Variants in PDS5B observed in about 807,000 individuals in gnomAD.
PDS5B encodes PDS5 cohesin associated factor B.
In PDS5B, 51 loss-of-function variants were observed where a neutral mutation model predicts 184.1. The ratio of observed to expected loss-of-function variants is 0.28; its 90% CI spans 0.22 to 0.35. The LOEUF is 0.35. PDS5B is among the 10% of genes least tolerant of loss of function. The pLI is 1.00. For missense variants in PDS5B, 1,180 were observed against 1,723.3 expected, an observed-to-expected ratio of 0.68 and a Z score of 5.58; for synonymous variants, 566 against 569.2, an observed-to-expected ratio of 0.99 and a Z score of 0.08.
intron 1 of PDS5B, among the ~76,000 whole-genome samples, chr13:32,597,608 C>T (rs1186990159): frequency 6.7e-6 from 1 of 149,424 alleles, no homozygotes; most frequent in Non-Finnish European, 1.5e-5. Context: ...GAGGGGGGGG[C>T]GGCAGGGGGT....
rs1209227778 is a variant in PDS5B, at chr13:32,675,973, G to T, written c.962+14G>T. 6.5e-7 allele frequency: 1 copy of T among 1,532,948 alleles called. No homozygotes were observed. Among genetic ancestry groups the T allele is most frequent in the Admixed American group, 1.7e-5 (1 of 59,674 alleles). 95.0% of individuals were successfully genotyped at this position (1,532,948 alleles called of 1,614,324 possible). ...CTACTTGGGCAGGTATATGATTTTG[G>T]TTTCCCATTTAAAAGTAATACATTA... On this transcript the variant is annotated intron_variant, in intron 9 of 34. Coordinates refer to ENST00000315596, the MANE Select transcript of PDS5B (RefSeq NM_015032.4).
At chr13:32,644,308 T>C (rs1950168137) in intron 1 of PDS5B, among the ~76,000 whole-genome samples, 1 of 152,180 alleles carries the variant, frequency 6.6e-6, no homozygotes, top group African/African-American at 2.4e-5. Context: ...AAATGCACTT[T>C]TGGCTTAACT....
rs536734161 is a variant in PDS5B, at chr13:32,697,804, G to A, written c.1600+902G>A. 5.3e-5 allele frequency among the ~76,000 whole-genome samples: 8 copies of A among 152,180 alleles called. No homozygotes were observed. The South Asian group carries it at 1.7e-3, about 32-fold the overall frequency. ...TAACTCAAAGCTATCTTGACCTCCT[G>A]GGCTCAAGCCATCCTCCTACCTCAG... On this transcript the variant is annotated intron_variant, in intron 15 of 34. Transcript: ENST00000315596.
At chr13:32,699,323 C>G (rs1037658735) in intron 15 of PDS5B, among the ~76,000 whole-genome samples, 1 of 152,048 alleles carries the variant, frequency 6.6e-6, no homozygotes, top group Non-Finnish European at 1.5e-5. Flanking sequence ...TAATGATAAA[C>G]AGGGAAATAC....
intron 10 of PDS5B, among the ~76,000 whole-genome samples, chr13:32,679,884 A>T (rs867100106): frequency 1.3e-4 from 19 of 143,716 alleles, no homozygotes; most frequent in South Asian, 2.3e-4. Context: ...TTCGTCTGTG[A>T]GTGTGTGTGT....
At position 32,696,955 on chromosome 13, in the gene PDS5B, T is replaced by C. The variant is rs575685417; in HGVS notation, c.1600+53T>C. 208 of 1,121,048 alleles carry C rather than the reference T, an allele frequency of 1.9e-4. No homozygotes were observed. The Admixed American group carries it at 4.4e-3, about 24-fold the overall frequency. 69.4% of individuals were successfully genotyped at this position (1,121,048 alleles called of 1,614,324 possible). A position where few individuals can be genotyped will look rare whatever the true frequency, so the allele number is the denominator to read the frequency against. Reference sequence around the variant, plus strand: ...ATGTAATTTTTATTGGAACATTTTTTATAATTTTAAGTGTTTCATGCAGTT... The same window carrying C: ...ATGTAATTTTTATTGGAACATTTTTCATAATTTTAAGTGTTTCATGCAGTT... On this transcript the variant is annotated intron_variant, in intron 15 of 34. Transcript: ENST00000315596.
At chr13:32,628,125 T>C (rs952124652) in intron 1 of PDS5B, among the ~76,000 whole-genome samples, 10 of 152,220 alleles carry the variant, frequency 6.6e-5, no homozygotes, top group Non-Finnish European at 2.9e-5. Flanking sequence ...ATTAGTTTTC[T>C]TTCTTTAAGG....
At chr13:32,716,462 C>G (rs1044510721) in intron 19 of PDS5B, among the ~76,000 whole-genome samples, 1 of 151,140 alleles carries the variant, frequency 6.6e-6, no homozygotes. Flanking sequence ...CCCCTCCGCC[C>G]GGCAGCCGCC....
chr13:32,737,971 A>C (rs1045975582), intron 21 of PDS5B, among the ~76,000 whole-genome samples: 1 of 152,164 alleles, frequency 6.6e-6, no homozygotes, highest in African/African-American at 2.4e-5. Context: ...TAAGCATTAT[A>C]TCATACCCTG....
At chr13:32,652,288 T>A (rs117802543) in intron 3 of PDS5B, 6,007 of 276,310 alleles carry the variant, frequency 0.022, 100 homozygotes, top group Non-Finnish European at 0.033. Context: ...CAATTCCTTT[T>A]CACTTTTGAA....
intron 1 of PDS5B, among the ~76,000 whole-genome samples, chr13:32,609,654 C>G (rs966762094): frequency 6.6e-6 from 1 of 152,142 alleles, no homozygotes; most frequent in African/African-American, 2.4e-5. Flanking sequence ...TCCTACATTC[C>G]AGACATACTT....
At chr13:32,589,047 G>C (rs1336269579) in intron 1 of PDS5B, among the ~76,000 whole-genome samples, 3 of 152,316 alleles carry the variant, frequency 2.0e-5, no homozygotes, top group Admixed American at 2.0e-4. Flanking sequence ...ACGGACTCTT[G>C]AATGACATGG....
chr13:32,684,032 G>T lies in PDS5B; in HGVS notation c.1203+9G>T, dbSNP rs1566324182. 1 of 1,381,024 alleles carries T rather than the reference G, an allele frequency of 7.2e-7. No individual in the cohort carries two copies. The highest frequency in any genetic ancestry group is 1.4e-5 in the South Asian group (1 of 69,128). The allele number at this position is 1,381,024 out of a possible 1,614,324, so 85.5% of individuals were successfully genotyped here. A position where few individuals can be genotyped will look rare whatever the true frequency, so the allele number is the denominator to read the frequency against. On this transcript the variant is annotated intron_variant, in intron 11 of 34. Transcript: ENST00000315596. ...GAACATTAGACAAACGAGTAAGTAT[G>T]AATAAATAATTATTACTAAGTTTTC... is the stretch of plus-strand genomic sequence containing the variant.
At chr13:32,762,388 ATTG>A (rs1593634845) in intron 30 of PDS5B, among the ~76,000 whole-genome samples, 1 of 152,184 alleles carries the variant, frequency 6.6e-6, no homozygotes, top group Non-Finnish European at 1.5e-5. Context: ...TAATGAATAA[ATTG>A]TTGAATGATA....
intron 10 of PDS5B, among the ~76,000 whole-genome samples, chr13:32,681,699 C>T (rs1480982009): frequency 2.6e-5 from 4 of 151,476 alleles, no homozygotes; most frequent in Non-Finnish European, 4.4e-5. Flanking sequence ...TCTTTTAAAC[C>T]CCATATACCC....
chr13:32,764,782 A>AT (rs1427411703), intron 31 of PDS5B, among the ~76,000 whole-genome samples, 188 bp downstream of exon 31: 1 of 152,146 alleles, frequency 6.6e-6, no homozygotes, highest in Non-Finnish European at 1.5e-5. Context: ...TGTGCTTCTT[A>AT]TCAATGTGAT....
At chr13:32,611,524 T>G (rs1292844203) in intron 1 of PDS5B, among the ~76,000 whole-genome samples, 6 of 114,386 alleles carry the variant, frequency 5.2e-5, no homozygotes, top group Non-Finnish European at 1.2e-4. Flanking sequence ...TTTTTTTTTT[T>G]GGAGACCAGG....
intron 34 of PDS5B, among the ~76,000 whole-genome samples, chr13:32,774,313 A>C (rs1954888004): frequency 6.6e-6 from 1 of 152,204 alleles, no homozygotes; most frequent in African/African-American, 2.4e-5. Flanking sequence ...CAGGATTCAT[A>C]TTTGTGAATA....
chr13:32,768,827 T>C (rs1461645916), intron 31 of PDS5B, among the ~76,000 whole-genome samples: 1 of 114,552 alleles, frequency 8.7e-6, no homozygotes, highest in Non-Finnish European at 1.8e-5. Flanking sequence ...AAAAGCTGGG[T>C]GCAGTGGCTC....
Sources: allele counts gnomAD v4.1 joint callset (sites outside exome capture counted in the v4.1 genomes callset), GRCh38; gene constraint gnomAD v4.1.1; transcripts MANE v1.5; gene names NCBI Gene and HGNC (gene_info 2026-07-23, HGNC 2026-07-21).